The following SPTB variants were observed in gnomAD, a reference collection of about 807,000 sequenced individuals.
The protein encoded by SPTB is spectrin beta, erythrocytic, also known as spectrin beta chain, erythrocytic.
Under a neutral mutation model 256.2 loss-of-function variants are expected in SPTB, and 45 were observed. The observed-to-expected ratio is 0.18, with a 90% CI of 0.14 to 0.23. SPTB has a LOEUF of 0.23. SPTB is among the 10% of genes least tolerant of loss of function. The probability of loss-of-function intolerance (pLI) is 1.00; values close to 1 mark genes in which losing one functional copy is unlikely to be tolerated. For synonymous variants in SPTB, 1,231 were observed against 1,243.1 expected, an observed-to-expected ratio of 0.99 and a Z score of 0.21; for missense variants, 2,715 against 3,040.4, an observed-to-expected ratio of 0.89 and a Z score of 2.52.
At chr14:64,829,826 A>G (rs971243791) in intron 1 of SPTB, among the ~76,000 whole-genome samples, 5 of 152,172 alleles carry the variant, frequency 3.3e-5, no homozygotes, top group Admixed American at 2.6e-4. Flanking sequence ...CCATGGTCCT[A>G]AGGCCCTTCC....
rs1226990297 is a variant in SPTB at position 64,793,000 on chromosome 14, T to C, written c.2663A>G (p.His888Arg). 6 of 1,613,946 alleles carry C rather than the reference T, an allele frequency of 3.7e-6. No individual in the cohort carries two copies. Among genetic ancestry groups the C allele is most frequent in the Non-Finnish European group, 5.1e-6 (6 of 1,180,018 alleles). The part of the protein sequence containing the change: ...DTLEDLEVVQ[H>R]RFDILDQEMK... ...GAAAAGATGAGTTAACTCTGACCTG[T>C]GCTGCACGACCTCCAGGTCCTCCAG... is the stretch of plus-strand genomic sequence containing the variant. Residue 888 changes from histidine (H) to arginine (R), a missense_variant, in exon 14 of 36, where the codon CAC becomes CGC. His to Arg is a conservative substitution (Grantham distance 29, BLOSUM62 0). Around this residue, in one of 4 missense-constraint regions of SPTB, gnomAD observed 2,239 missense variants for 2,384.4 expected, o/e 0.94. Transcript: ENST00000644917. This position sits in a 1 kb window ranked among gnomAD's most constrained non-coding sequence, Gnocchi z 4.2.
intron 19 of SPTB, 82 bp downstream of exon 19, chr14:64,784,165 A>G (rs2082520171): frequency 1.3e-6 from 2 of 1,599,506 alleles, no homozygotes; most frequent in Admixed American, 3.4e-5. Context: ...GCTTTAGGAC[A>G]GGGTCCACAC....
rs2082713472 is a variant in SPTB, at chr14:64,793,537, A to G, written c.2126T>C (p.Phe709Ser). Reference protein sequence around the residue: ...EAHGMVARKQFGHPQIEARIK... With the variant: ...EAHGMVARKQSGHPQIEARIK... Reference sequence around the variant, plus strand: ...GCGGGCCTCGATCTGCGGGTGCCCAAACTGCTTGCGCGCAACCATGCCATG... The same window carrying G: ...GCGGGCCTCGATCTGCGGGTGCCCAGACTGCTTGCGCGCAACCATGCCATG... The change falls in exon 14 of 36, where the codon TTT (phenylalanine) becomes TCT (serine). Residue 709 changes from phenylalanine to serine, a missense_variant. Coordinates refer to ENST00000644917, the MANE Select transcript of SPTB (RefSeq NM_001355436.2). This position sits in a 1 kb window ranked among gnomAD's most constrained non-coding sequence, Gnocchi z 7.0. The G allele has an allele frequency of 1.9e-6, 3 of 1,614,036 alleles. No individual in the cohort carries two copies. The highest frequency in any genetic ancestry group is 1.7e-6 in the Non-Finnish European group (2 of 1,180,050).
intron 1 of SPTB, among the ~76,000 whole-genome samples, chr14:64,871,559 CT>C (rs1470487335): frequency 6.6e-6 from 1 of 152,182 alleles, no homozygotes. Flanking sequence ...CTCCAGGTCG[CT>C]TAACTTGAGG....
rs746893701 is a variant in SPTB, at chr14:64,796,694, C to T, written c.1204G>A (p.Ala402Thr). The change falls in exon 11 of 36, where the codon GCT becomes ACT. Residue 402 changes from alanine to threonine, a missense_variant. By Grantham distance (58) the Ala-to-Thr change is moderately conservative. Coordinates refer to ENST00000644917, the MANE Select transcript of SPTB (RefSeq NM_001355436.2). The surrounding 1 kb of genome is among the most constrained non-coding windows in gnomAD (Gnocchi z 4.1). ...AGGGCCAGCTCCCGCCGATACTCAG[C>T]TTCCTCCAGGCTTTCCCAGGCCTGC... ...INRAWESLEEAEYRRELALRN... is the reference protein window; with the variant it reads ...INRAWESLEETEYRRELALRN... 1.2e-6 allele frequency: 2 copies of T among 1,614,248 alleles called. No individual in the cohort carries two copies. Among genetic ancestry groups the T allele is most frequent in the Non-Finnish European group, 1.7e-6 (2 of 1,180,054 alleles).
rs1464232973 is a variant in SPTB, at chr14:64,775,419, A to G, written c.4564-16T>C. ...TCTGCAGTGTCTGCGGCCAGAAGGA[A>G]GGGCTCGGGGCAGGGCCTTCCCACC... On this transcript the variant is annotated splice_polypyrimidine_tract_variant and intron_variant, in intron 22 of 35. Coordinates refer to ENST00000644917, the MANE Select transcript of SPTB (RefSeq NM_001355436.2). The surrounding 1 kb of genome is among the most constrained non-coding windows in gnomAD (Gnocchi z 5.0). The G allele has an allele frequency of 1.2e-6, 2 of 1,609,370 alleles. No homozygotes were observed. Among genetic ancestry groups the G allele is most frequent in the East Asian group, 4.5e-5 (2 of 44,782 alleles).
At chr14:64,761,982 T>G (rs554765451) in intron 32 of SPTB, among the ~76,000 whole-genome samples, 81 of 152,132 alleles carry the variant, frequency 5.3e-4, no homozygotes, top group Middle Eastern at 3.4e-3. Flanking sequence ...AGGAAGAACT[T>G]AGGAAGAGTC....
At chr14:64,830,694 C>G (rs2083441194) in intron 1 of SPTB, among the ~76,000 whole-genome samples, 1 of 152,104 alleles carries the variant, frequency 6.6e-6, no homozygotes, top group Non-Finnish European at 1.5e-5. Flanking sequence ...GTGCTCAGCC[C>G]CTTCACAGTC....
rs955467311 is a variant in SPTB, at chr14:64,823,452, C to T, written c.-51-307G>A. 3.3e-5 allele frequency among the ~76,000 whole-genome samples: 5 copies of T among 152,194 alleles called. No homozygotes were observed. The South Asian group carries it at 6.2e-4, about 19-fold the overall frequency. On this transcript the variant is annotated intron_variant, in intron 1 of 35. Coordinates refer to ENST00000644917, the MANE Select transcript of SPTB (RefSeq NM_001355436.2). The surrounding 1 kb of genome is among the most constrained non-coding windows in gnomAD (Gnocchi z 6.5). Reference sequence around the variant, plus strand: ...GCTTCCTCCAGACCAGCCGCCCCGCCGCGGGGAGCACCCCGGGAGAGAGGA... The same window carrying T: ...GCTTCCTCCAGACCAGCCGCCCCGCTGCGGGGAGCACCCCGGGAGAGAGGA...
chr14:64,793,475 C>T lies in SPTB; in HGVS notation c.2188G>A (p.Asp730Asn), dbSNP rs867858924. The T allele has an allele frequency of 1.1e-5, 17 of 1,614,166 alleles. 1 individual carries two copies. In the Middle Eastern group the frequency reaches 2.6e-3, roughly 251 times the overall value. Residue 730 changes from aspartate (D) to asparagine (N), a missense_variant, in exon 14 of 36, where the codon GAC becomes AAC. Transcript: ENST00000644917. This position sits in a 1 kb window ranked among gnomAD's most constrained non-coding sequence, Gnocchi z 7.0. ...EVSAQWDQLK[D>N]LAAFCKKNLQ... ...TTCTTCTTGCAGAAGGCAGCCAGGT[C>T]CTTCAGCTGGTCCCACTGTGCCGAC...
chr14:64,785,643 A>T lies in SPTB; in HGVS notation c.3765-16T>A, dbSNP rs2082550881. The T allele has an allele frequency of 6.2e-7, 1 of 1,613,914 alleles. No individual in the cohort carries two copies. The highest frequency in any genetic ancestry group is 1.7e-5 in the Admixed American group (1 of 60,006). The stretch of plus-strand genomic sequence containing the variant: ...CTTCCTGTGCCTGGAAAGGAAGCCA[A>T]AAGCACAGTCACAATAGTGCCGAGC... On this transcript the variant is annotated splice_polypyrimidine_tract_variant and intron_variant, in intron 17 of 35. Coordinates refer to ENST00000644917, the MANE Select transcript of SPTB (RefSeq NM_001355436.2). This position sits in a 1 kb window ranked among gnomAD's most constrained non-coding sequence, Gnocchi z 4.4.
rs761772683 is a variant in SPTB at position 64,772,640 on chromosome 14, G to C, written c.5493C>G (p.Ala1831=). Residue 1831 remains alanine, a synonymous_variant, in exon 26 of 36, where the codon GCC becomes GCG. Coordinates refer to ENST00000644917, the MANE Select transcript of SPTB (RefSeq NM_001355436.2). The surrounding 1 kb of genome is among the most constrained non-coding windows in gnomAD (Gnocchi z 5.4). ...PEDVGLDAST[A]ESFHRVHTAF... ...CTGTGTGCACCCGGTGGAAGGACTC[G>C]GCCGTGCTGGCGTCCAGCCCCACGT... is the stretch of plus-strand genomic sequence containing the variant. 6.2e-6 allele frequency: 10 copies of C among 1,612,828 alleles called. No homozygotes were observed. Among genetic ancestry groups the C allele is most frequent in the African/African-American group, 4.0e-5 (3 of 74,920 alleles).
At position 64,825,456 on chromosome 14, in the gene SPTB, C is replaced by T. The variant is rs189429534; in HGVS notation, c.-51-2311G>A. On this transcript the variant is annotated intron_variant, in intron 1 of 35. Transcript: ENST00000644917. This position sits in a 1 kb window ranked among gnomAD's most constrained non-coding sequence, Gnocchi z 4.8. ...AGCCGGGAAAGATACCCCCCACCCCCGGCCCCACACCTTTCTCTATTTCCC... is the reference window on the plus strand; with the variant it reads ...AGCCGGGAAAGATACCCCCCACCCCTGGCCCCACACCTTTCTCTATTTCCC... 5.4e-5 allele frequency among the ~76,000 whole-genome samples: 8 copies of T among 149,424 alleles called. No homozygotes were observed. The highest frequency in any genetic ancestry group is 2.0e-4 in the East Asian group (1 of 5,028).
intron 29 of SPTB, 58 bp from the exon 30 acceptor site, chr14:64,767,917 A>C: frequency 1.9e-6 from 3 of 1,583,480 alleles, no homozygotes; most frequent in Non-Finnish European, 1.7e-6. Context: ...TTAGCACCCA[A>C]TCGTTCACTC....
At position 64,796,374 on chromosome 14, in the gene SPTB, A is replaced by G. The variant is rs2082768969; in HGVS notation, c.1341+183T>C. On this transcript the variant is annotated intron_variant, in intron 11 of 35. Coordinates refer to ENST00000644917, the MANE Select transcript of SPTB (RefSeq NM_001355436.2). The surrounding 1 kb of genome is among the most constrained non-coding windows in gnomAD (Gnocchi z 4.1). Reference sequence around the variant, plus strand: ...TCCAAGGCTCTTTCCTAAAAATGAGATTTAATAAATCCTGGAGAGCTCCTC... The same window carrying G: ...TCCAAGGCTCTTTCCTAAAAATGAGGTTTAATAAATCCTGGAGAGCTCCTC... Among the ~76,000 whole-genome samples, 1 of 152,148 alleles carries G rather than the reference A, an allele frequency of 6.6e-6. No individual in the cohort carries two copies. Among genetic ancestry groups the G allele is most frequent in the East Asian group, 1.9e-4 (1 of 5,186 alleles).
chr14:64,794,582 C>G lies in SPTB; in HGVS notation c.1680G>C (p.Leu560Phe), dbSNP rs1315196865. Residue 560 changes from leucine to phenylalanine, a missense_variant, in exon 13 of 36, where the codon TTG becomes TTC. By Grantham distance (22) the Leu-to-Phe change is conservative. Around this residue, in one of 4 missense-constraint regions of SPTB, gnomAD observed 2,239 missense variants for 2,384.4 expected, o/e 0.94. Transcript: ENST00000644917. ...HLLSAEFGKH[L>F]LEVEDLLQKH... ...TCTGTAGCAGGTCTTCAACCTCCAACAAGTGCTTCCCAAACTCGGCAGACA... is the reference window on the plus strand; with the variant it reads ...TCTGTAGCAGGTCTTCAACCTCCAAGAAGTGCTTCCCAAACTCGGCAGACA... 1 of 1,614,218 alleles carries G rather than the reference C, an allele frequency of 6.2e-7. No homozygotes were observed. Among genetic ancestry groups the G allele is most frequent in the East Asian group, 2.2e-5 (1 of 44,878 alleles).
In SPTB at chr14:64,772,971, C is replaced by T; in HGVS notation, c.5179-17G>A. The stretch of plus-strand genomic sequence containing the variant: ...CCGCAGAAGCTAGGCATGGGGCAGA[C>T]AGAAATGTGGTTATGGGGGGCACAG... On this transcript the variant is annotated splice_polypyrimidine_tract_variant and intron_variant, in intron 25 of 35. Coordinates refer to ENST00000644917, the MANE Select transcript of SPTB (RefSeq NM_001355436.2). This position sits in a 1 kb window ranked among gnomAD's most constrained non-coding sequence, Gnocchi z 5.4. 1 of 1,595,266 alleles carries T rather than the reference C, an allele frequency of 6.3e-7. No homozygotes were observed. Among genetic ancestry groups the T allele is most frequent in the Non-Finnish European group, 8.5e-7 (1 of 1,172,510 alleles).
intron 27 of SPTB, 109 bp from the exon 28 acceptor site, chr14:64,769,837 G>C: frequency 6.8e-7 from 1 of 1,474,792 alleles, no homozygotes; most frequent in East Asian, 2.3e-5. Flanking sequence ...GTGTGACCGT[G>C]CTCCCTCCTC....
At position 64,749,748 on chromosome 14, in the gene SPTB, G is replaced by A; in HGVS notation, c.6777-52C>T. Reference sequence around the variant, plus strand: ...TGGAGACACCTCTGGAGGGGGCGCTGGGCAGAGGGCTGGCTCTGATCCCAC... The same window carrying A: ...TGGAGACACCTCTGGAGGGGGCGCTAGGCAGAGGGCTGGCTCTGATCCCAC... On this transcript the variant is annotated intron_variant, in intron 34 of 35. Coordinates refer to ENST00000644917, the MANE Select transcript of SPTB (RefSeq NM_001355436.2). This position sits in a 1 kb window ranked among gnomAD's most constrained non-coding sequence, Gnocchi z 4.7. 1 of 1,598,998 alleles carries A rather than the reference G, an allele frequency of 6.3e-7. No homozygotes were observed. The highest frequency in any genetic ancestry group is 8.5e-7 in the Non-Finnish European group (1 of 1,171,404).
Sources: allele counts gnomAD v4.1 joint callset (sites outside exome capture counted in the v4.1 genomes callset), GRCh38; gene constraint gnomAD v4.1.1; regional missense constraint gnomAD v4.1.1; non-coding constraint Gnocchi (gnomAD v3.1); transcripts MANE v1.5; gene names NCBI Gene and HGNC (gene_info 2026-07-23, HGNC 2026-07-21).